Variants in MEIOSIN observed in about 807,000 individuals in gnomAD.
MEIOSIN encodes the protein meiosis initiator.
In MEIOSIN, 18 loss-of-function variants were observed where a neutral mutation model predicts 23.4. That is an observed-to-expected ratio of 0.77 (90% CI 0.53 to 1.14). MEIOSIN has a LOEUF of 1.14. MEIOSIN is among the 50% of genes most tolerant of loss of function. The probability of loss-of-function intolerance (pLI) is 0.00; values close to 1 mark genes in which losing one functional copy is unlikely to be tolerated. For synonymous variants in MEIOSIN, 187 were observed against 100.6 expected, an observed-to-expected ratio of 1.86 and a Z score of -5.14; for missense variants, 428 against 242.9, an observed-to-expected ratio of 1.76 and a Z score of -5.07.
Position 45,759,440 on chromosome 19 carries a change from G to C in MEIOSIN, c.1195G>C (p.Asp399His), listed in dbSNP as rs1418577063. 3 of 703,452 alleles carry C rather than the reference G, an allele frequency of 4.3e-6. No homozygotes were observed. Among genetic ancestry groups the C allele is most frequent in the Non-Finnish European group, 7.8e-6 (3 of 385,064 alleles). 43.6% of individuals were successfully genotyped at this position (703,452 alleles called of 1,614,324 possible). ...QAAFFEEVCL[D>H]LESSPSAYTQ... The stretch of plus-strand genomic sequence containing the variant: ...GGCTTTCTTTGAAGAAGTGTGCTTA[G>C]ATCTGGAGTCTTCACCTTCAGCCTA... The change falls in exon 11 of 15, where the codon GAT (aspartate) becomes CAT (histidine). Residue 399 changes from aspartate (D) to histidine (H), a missense_variant. Asp to His is a moderately conservative substitution (Grantham distance 81). Transcript: ENST00000457052.
At chr19:45,758,480 A>G (rs1033175060) in intron 9 of MEIOSIN, among the ~76,000 whole-genome samples, 5 of 151,660 alleles carry the variant, frequency 3.3e-5, no homozygotes, top group African/African-American at 1.2e-4. Context: ...CCCAGGCTGG[A>G]GTGCAGTGGC....
At chr19:45,761,362 T>G (rs2146200368) in intron 11 of MEIOSIN, among the ~76,000 whole-genome samples, 1 of 151,492 alleles carries the variant, frequency 6.6e-6, no homozygotes, top group East Asian at 1.9e-4. Flanking sequence ...CCTCAGGTGA[T>G]CCTCCTGCCT....
chr19:45,760,866 T>C (rs993833896), intron 11 of MEIOSIN, among the ~76,000 whole-genome samples: 14 of 144,890 alleles, frequency 9.7e-5, no homozygotes, highest in African/African-American at 3.4e-4. Context: ...AGGTGGAGAA[T>C]GGAGCTGAGA....
rs1271257963 is a variant in MEIOSIN, at chr19:45,764,443, T to G, written c.*325T>G. ...CAGAGCCACTCGGTTGCAACCCTGTTCATGCTCACCTCACCCTACTCCTCC... is the reference window on the plus strand; with the variant it reads ...CAGAGCCACTCGGTTGCAACCCTGTGCATGCTCACCTCACCCTACTCCTCC... On this transcript the variant is annotated 3_prime_UTR_variant, in exon 15 of 15. Coordinates refer to ENST00000457052, the MANE Select transcript of MEIOSIN (RefSeq NM_001310124.2). 1.1e-5 allele frequency: 3 copies of G among 284,598 alleles called. No homozygotes were observed. In the Admixed American group the frequency reaches 1.6e-4, roughly 15 times the overall value. 17.6% of individuals were successfully genotyped at this position (284,598 alleles called of 1,614,324 possible). A position where few individuals can be genotyped will look rare whatever the true frequency, so the allele number is the denominator to read the frequency against.
At chr19:45,761,395 T>C (rs991011984) in intron 11 of MEIOSIN, among the ~76,000 whole-genome samples, 1 of 151,432 alleles carries the variant, frequency 6.6e-6, no homozygotes, top group African/African-American at 2.4e-5. Flanking sequence ...GTGCTGAGAT[T>C]ACAGGCATGA....
intron 5 of MEIOSIN, among the ~76,000 whole-genome samples, chr19:45,752,838 C>T (rs967134293): frequency 2.6e-5 from 4 of 151,992 alleles, no homozygotes; most frequent in African/African-American, 9.7e-5. Flanking sequence ...CCTCCAATCA[C>T]ACCCAATGAC....
chr19:45,745,328 G>C lies in MEIOSIN; in HGVS notation c.306+7G>C. On this transcript the variant is annotated splice_region_variant and intron_variant, in intron 4 of 14. Coordinates refer to ENST00000457052, the MANE Select transcript of MEIOSIN (RefSeq NM_001310124.2). Reference sequence around the variant, plus strand: ...GACCAAGAAGCTCACAAAGGTACAGGGACTAGAGGAGAGGGGCCAGATTTG... The same window carrying C: ...GACCAAGAAGCTCACAAAGGTACAGCGACTAGAGGAGAGGGGCCAGATTTG... The C allele has an allele frequency of 1.4e-6, 1 of 700,046 alleles. No homozygotes were observed. Among genetic ancestry groups the C allele is most frequent in the Non-Finnish European group, 2.6e-6 (1 of 384,062 alleles). 43.4% of individuals were successfully genotyped at this position (700,046 alleles called of 1,614,324 possible).
chr19:45,755,683 G>A (rs1296005487), intron 7 of MEIOSIN, among the ~76,000 whole-genome samples: 2 of 151,974 alleles, frequency 1.3e-5, no homozygotes, highest in Non-Finnish European at 2.9e-5. Context: ...TCCTGACCTC[G>A]TGATCCACCG....
intron 5 of MEIOSIN, among the ~76,000 whole-genome samples, chr19:45,752,887 C>T (rs574308753): frequency 6.6e-6 from 1 of 151,770 alleles, no homozygotes; most frequent in East Asian, 1.9e-4. Context: ...TCTTCTCATG[C>T]CTGCAAGCTC....
chr19:45,742,975 T>C (rs1231816494), intron 3 of MEIOSIN, among the ~76,000 whole-genome samples: 1 of 152,092 alleles, frequency 6.6e-6, no homozygotes, highest in Non-Finnish European at 1.5e-5. Context: ...GATGCAAATA[T>C]ACAGACTGTG....
intron 3 of MEIOSIN, among the ~76,000 whole-genome samples, chr19:45,741,970 G>C (rs1968514421): frequency 6.6e-6 from 1 of 150,788 alleles, no homozygotes; most frequent in African/African-American, 2.4e-5. Flanking sequence ...CCACCTCCTG[G>C]GTTCAAGTGA....
chr19:45,748,699 A>C (rs1362989316), intron 4 of MEIOSIN, among the ~76,000 whole-genome samples: 1 of 152,120 alleles, frequency 6.6e-6, no homozygotes, highest in Non-Finnish European at 1.5e-5. Flanking sequence ...ATATTACTTC[A>C]TGGTTTATAA....
intron 8 of MEIOSIN, 123 bp from the exon 9 acceptor site, chr19:45,757,054 C>G: frequency 1.7e-6 from 1 of 602,608 alleles, no homozygotes. Context: ...ATGGGAGCCT[C>G]GACTGACTGA....
At chr19:45,744,979 G>C (rs113724427) in intron 3 of MEIOSIN, among the ~76,000 whole-genome samples, 4,965 of 152,216 alleles carry the variant, frequency 0.033, 290 homozygotes, top group African/African-American at 0.11. Context: ...TTGAAGAGAA[G>C]GTCATGGAAG....
intron 2 of MEIOSIN, among the ~76,000 whole-genome samples, chr19:45,736,512 A>G (rs979886629): frequency 6.6e-6 from 1 of 151,444 alleles, no homozygotes; most frequent in Admixed American, 6.6e-5. Context: ...ACAGGTGCCC[A>G]CCACTATGCT....
chr19:45,759,695 G>C (rs1230850360), intron 11 of MEIOSIN, among the ~76,000 whole-genome samples: 1 of 152,150 alleles, frequency 6.6e-6, no homozygotes, highest in East Asian at 1.9e-4. Flanking sequence ...CCGGCTCTGT[G>C]CTGGGCACGT....
chr19:45,740,577 C>T (rs2146175602), intron 3 of MEIOSIN, among the ~76,000 whole-genome samples: 1 of 151,938 alleles, frequency 6.6e-6, no homozygotes, highest in East Asian at 1.9e-4. Flanking sequence ...GGTGAAACCC[C>T]GTCTCTACTA....
At chr19:45,742,915 T>C (rs1232510825) in intron 3 of MEIOSIN, among the ~76,000 whole-genome samples, 1 of 152,172 alleles carries the variant, frequency 6.6e-6, no homozygotes, top group Non-Finnish European at 1.5e-5. Context: ...CCTATGTGAC[T>C]GGAGCTGACC....
Position 45,750,757 on chromosome 19 carries a change from A to G in MEIOSIN, c.389A>G (p.His130Arg). 1 of 647,668 alleles carries G rather than the reference A, an allele frequency of 1.5e-6. No homozygotes were observed. The highest frequency in any genetic ancestry group is 2.8e-6 in the Non-Finnish European group (1 of 363,116). The allele number at this position is 647,668 out of a possible 1,614,324, so 40.1% of individuals were successfully genotyped here. A position where few individuals can be genotyped will look rare whatever the true frequency, so the allele number is the denominator to read the frequency against. The change falls in exon 5 of 15, where the codon CAC (histidine) becomes CGC (arginine). Residue 130 changes from histidine (H) to arginine (R), a missense_variant. Transcript: ENST00000457052. ...GCCGCCAAGGCCTTGTTCAAATGCC[A>G]CATCACCACTGGGGAAGGTGGACTT... ...IDAAKALFKC[H>R]ITTGEGGLAG...
Sources: allele counts gnomAD v4.1 joint callset (sites outside exome capture counted in the v4.1 genomes callset), GRCh38; gene constraint gnomAD v4.1.1; transcripts MANE v1.5; gene names NCBI Gene and HGNC (gene_info 2026-07-23, HGNC 2026-07-21).